The following CACNA1C variants were observed in gnomAD, a reference collection of about 807,000 sequenced individuals.
The protein encoded by CACNA1C is voltage-dependent L-type calcium channel subunit alpha-1C.
A neutral mutation model predicts 229.0 loss-of-function variants in CACNA1C; 30 were observed. The observed-to-expected ratio is 0.13, with a 90% CI of 0.10 to 0.18. CACNA1C has a LOEUF of 0.18. Among genes scored for constraint, CACNA1C ranks in the 10% least tolerant of loss-of-function variants. CACNA1C has a pLI of 1.00. For missense variants in CACNA1C, 1,658 were observed against 2,845.0 expected (o/e 0.58, Z 9.49); for synonymous variants, 1,114 against 1,132.5 (o/e 0.98, Z 0.33).
intron 3 of CACNA1C, among the ~76,000 whole-genome samples, chr12:2,436,489 CA>C: frequency 6.6e-6 from 1 of 152,238 alleles, no homozygotes; most frequent in East Asian, 1.9e-4. Context: ...CACAGAATTA[CA>C]TGGGCTACCC....
chr12:2,098,348 A>G (rs923346205), intron 1 of CACNA1C, among the ~76,000 whole-genome samples: 3 of 152,252 alleles, frequency 2.0e-5, no homozygotes, highest in Non-Finnish European at 4.4e-5. Flanking sequence ...CATTGTTATT[A>G]AACGGCCTGT....
intron 3 of CACNA1C, among the ~76,000 whole-genome samples, chr12:2,440,452 G>A (rs2099211025): frequency 6.6e-6 from 1 of 152,206 alleles, no homozygotes; most frequent in Admixed American, 6.5e-5. Flanking sequence ...GCATGTGTGG[G>A]AATGTGTAGG....
At chr12:2,002,897 G>A (rs2154479628) in intron 1 of CACNA1C, among the ~76,000 whole-genome samples, 1 of 152,012 alleles carries the variant, frequency 6.6e-6, no homozygotes, top group Admixed American at 6.5e-5. Context: ...GTGACACCTC[G>A]AAAAAACAAA....
In CACNA1C at chr12:2,653,870, G is replaced by C; in HGVS notation, c.4110G>C (p.Leu1370=). 2.5e-6 allele frequency: 4 copies of C among 1,613,954 alleles called. No homozygotes were observed. Among genetic ancestry groups the C allele is most frequent in the Non-Finnish European group, 3.4e-6 (4 of 1,179,888 alleles). Residue 1370 remains leucine, a synonymous_variant, in exon 33 of 47, where the codon CTG becomes CTC. Transcript: ENST00000399655. The surrounding 1 kb of genome is among the most constrained non-coding windows in gnomAD (Gnocchi z 4.7). ...LPYVALLIVM[L]FFIYAVIGMQ... ...ATGTGGCCCTCCTGATCGTGATGCT[G>C]TTCTTCATCTACGCGGTGATCGGGA...
intron 3 of CACNA1C, among the ~76,000 whole-genome samples, chr12:2,302,011 TC>T: frequency 6.6e-6 from 1 of 152,338 alleles, no homozygotes; most frequent in South Asian, 2.1e-4. Context: ...AAAAGTATGA[TC>T]CAACTGATTT....
intron 3 of CACNA1C, among the ~76,000 whole-genome samples, chr12:2,308,819 C>CA (rs1307655854): frequency 6.6e-6 from 1 of 152,104 alleles, no homozygotes; most frequent in African/African-American, 2.4e-5. Flanking sequence ...GAATGGCTAT[C>CA]AAAAAGACAA....
chr12:2,021,029 G>A lies in CACNA1C; in HGVS notation c.139+49828G>A, dbSNP rs1045921316. On this transcript the variant is annotated intron_variant, in intron 1 of 46. Coordinates refer to the CACNA1C transcript ENST00000682462. ...AGGGTAAGTAGGAAAATATCTACAC[G>A]TCAACTATTTTTCCCTAATGGTAAA... Among the ~76,000 whole-genome samples the A allele has an allele frequency of 5.9e-5, 9 of 152,222 alleles. No individual in the cohort carries two copies. The South Asian group carries it at 8.3e-4, about 14-fold the overall frequency.
intron 30 of CACNA1C, among the ~76,000 whole-genome samples, chr12:2,636,791 C>G (rs927251932): frequency 6.6e-6 from 1 of 152,230 alleles, no homozygotes; most frequent in African/African-American, 2.4e-5. Flanking sequence ...TAATTGATAT[C>G]TTAAATAAGC....
chr12:2,526,311 G>A (rs1598919326), intron 9 of CACNA1C, among the ~76,000 whole-genome samples: 1 of 152,214 alleles, frequency 6.6e-6, no homozygotes, highest in Non-Finnish European at 1.5e-5. Context: ...CCAAAGACAA[G>A]TGTCTGTGCT....
chr12:2,429,388 G>A (rs931819423), intron 3 of CACNA1C, among the ~76,000 whole-genome samples: 5 of 152,136 alleles, frequency 3.3e-5, no homozygotes, highest in Admixed American at 3.3e-4. Context: ...GCTCTCCTCG[G>A]CTAACAGAGA....
At chr12:2,016,574 T>C (rs939064322) in intron 1 of CACNA1C, among the ~76,000 whole-genome samples, 3 of 152,062 alleles carry the variant, frequency 2.0e-5, no homozygotes, top group Admixed American at 1.3e-4. Flanking sequence ...GGATTACAGG[T>C]GCTGCCACCA....
At chr12:2,581,377 C>T (rs1426064327) in intron 13 of CACNA1C, among the ~76,000 whole-genome samples, 1 of 152,220 alleles carries the variant, frequency 6.6e-6, no homozygotes, top group Admixed American at 6.5e-5. Flanking sequence ...GTCCCCCTCT[C>T]TTCCCCAACA....
intron 1 of CACNA1C, among the ~76,000 whole-genome samples, chr12:2,105,229 C>T (rs1405499421): frequency 2.6e-5 from 4 of 152,234 alleles, no homozygotes; most frequent in Non-Finnish European, 5.9e-5. Context: ...GTGCTCCAGG[C>T]TCTTTGCCTT....
At chr12:2,198,932 G>A (rs2097503137) in intron 3 of CACNA1C, among the ~76,000 whole-genome samples, 1 of 152,104 alleles carries the variant, frequency 6.6e-6, no homozygotes, top group African/African-American at 2.4e-5. Context: ...AACTTTTCCT[G>A]CAGTAAATAT....
At chr12:2,644,038 T>TATC (rs1603272653) in intron 30 of CACNA1C, among the ~76,000 whole-genome samples, 1 of 152,330 alleles carries the variant, frequency 6.6e-6, no homozygotes, top group East Asian at 1.9e-4. Flanking sequence ...ATGAAATTTA[T>TATC]ATCAGATCCA....
intron 1 of CACNA1C, among the ~76,000 whole-genome samples, chr12:1,981,190 G>A (rs1174366359): frequency 6.6e-6 from 1 of 152,122 alleles, no homozygotes; most frequent in East Asian, 1.9e-4. Flanking sequence ...GAGAAGCTGA[G>A]CGGCTCCTAG....
At chr12:2,256,766 C>T (rs914223191) in intron 3 of CACNA1C, among the ~76,000 whole-genome samples, 7 of 152,074 alleles carry the variant, frequency 4.6e-5, no homozygotes, top group Non-Finnish European at 8.8e-5. Context: ...TAAAAAAAAT[C>T]CTGGAAAAAT....
At chr12:2,303,116 GT>G (rs2094707173) in intron 3 of CACNA1C, among the ~76,000 whole-genome samples, 1 of 152,266 alleles carries the variant, frequency 6.6e-6, no homozygotes, top group Admixed American at 6.5e-5. Context: ...GAGGGATGTG[GT>G]TGCATGCTGG....
intron 3 of CACNA1C, among the ~76,000 whole-genome samples, chr12:2,310,699 T>G (rs995140787): frequency 1.1e-4 from 17 of 152,200 alleles, no homozygotes; most frequent in African/African-American, 4.1e-4. Flanking sequence ...GCAAGGGCTT[T>G]CGACTCACAG....
Sources: gnomAD v4.1 joint callset for allele counts (sites outside exome capture counted in the v4.1 genomes callset) on GRCh38, gnomAD v4.1.1 for gene constraint, Gnocchi (gnomAD v3.1) non-coding constraint, MANE v1.5 for transcripts, NCBI Gene and HGNC (gene_info 2026-07-23, HGNC 2026-07-21) for gene names.